The following DPP6 variants were observed in gnomAD, a reference collection of about 807,000 sequenced individuals.
DPP6 encodes A-type potassium channel modulatory protein DPP6.
DPP6 carries 69 observed loss-of-function variants against 122.6 expected under a neutral mutation model. The ratio of observed to expected loss-of-function variants is 0.56; its 90% CI spans 0.46 to 0.69. DPP6 has a LOEUF of 0.69. Ranked by LOEUF, DPP6 falls within the 30% of genes least tolerant of loss-of-function variation. The probability of loss-of-function intolerance (pLI) is 0.00; values close to 1 mark genes in which losing one functional copy is unlikely to be tolerated. For missense variants in DPP6, 928 were observed against 1,116.9 expected, an observed-to-expected ratio of 0.83 and a Z score of 2.41; for synonymous variants, 418 against 433.1, an observed-to-expected ratio of 0.97 and a Z score of 0.43.
chr7:153,849,782 T>C, the DPP6 span, among the ~76,000 whole-genome samples: 2 of 152,212 alleles, frequency 1.3e-5, no homozygotes, highest in African/African-American at 4.8e-5. Flanking sequence ...TTCCACTTTG[T>C]TTCATATACA....
intron 1 of DPP6, among the ~76,000 whole-genome samples, chr7:154,142,152 C>T (rs1483412907): frequency 6.6e-6 from 1 of 151,592 alleles, no homozygotes; most frequent in Non-Finnish European, 1.5e-5. Flanking sequence ...ATGACCTTAT[C>T]CTTAATTCAT....
intron 1 of DPP6, among the ~76,000 whole-genome samples, chr7:153,929,611 G>C (rs919602313): frequency 6.6e-6 from 1 of 152,038 alleles, no homozygotes; most frequent in Non-Finnish European, 1.5e-5. Context: ...GACTTGTCAA[G>C]CTATTGATAG....
intron 8 of DPP6, among the ~76,000 whole-genome samples, chr7:154,758,165 A>G (rs1387202296): frequency 6.6e-6 from 1 of 152,184 alleles, no homozygotes; most frequent in African/African-American, 2.4e-5. Flanking sequence ...GAGCTTAGGA[A>G]ACAGCATGGA....
At chr7:154,698,304 T>C (rs1840330379) in intron 7 of DPP6, among the ~76,000 whole-genome samples, 1 of 152,082 alleles carries the variant, frequency 6.6e-6, no homozygotes, top group Non-Finnish European at 1.5e-5. Flanking sequence ...CCATGTATAA[T>C]ATTCCCTGTT....
At chr7:153,798,652 T>C in the DPP6 span, among the ~76,000 whole-genome samples, 3 of 151,974 alleles carry the variant, frequency 2.0e-5, no homozygotes, top group Admixed American at 6.6e-5. Context: ...GAGTGGCAGG[T>C]GATGGGTTTG....
At chr7:153,861,424 T>C in the DPP6 span, among the ~76,000 whole-genome samples, 1 of 152,212 alleles carries the variant, frequency 6.6e-6, no homozygotes, top group African/African-American at 2.4e-5. Context: ...TTCTAATGCA[T>C]GTAGCATATT....
intron 7 of DPP6, among the ~76,000 whole-genome samples, chr7:154,725,733 C>G (rs1367537327): frequency 1.3e-5 from 2 of 152,198 alleles, no homozygotes; most frequent in African/African-American, 4.8e-5. Flanking sequence ...CAACAATCTC[C>G]CAAAGTCTTA....
intron 1 of DPP6, among the ~76,000 whole-genome samples, chr7:154,431,292 C>T (rs1011713583): frequency 1.1e-4 from 16 of 152,060 alleles, no homozygotes; most frequent in Admixed American, 2.6e-4. Context: ...AGCCTAGACC[C>T]ACCCTGCTTC....
At chr7:154,449,167 G>T (rs1476075586) in intron 2 of DPP6, among the ~76,000 whole-genome samples, 1 of 151,916 alleles carries the variant, frequency 6.6e-6, no homozygotes, top group Admixed American at 6.6e-5. Flanking sequence ...TGCAAATCAG[G>T]TATCTAGTAA....
Position 153,995,998 on chromosome 7 carries a change from G to A in DPP6, c.51+108264G>A, listed in dbSNP as rs182059548. Among the ~76,000 whole-genome samples, 21 of 152,284 alleles carry A rather than the reference G, an allele frequency of 1.4e-4. No individual in the cohort carries two copies. In the East Asian group the frequency reaches 3.7e-3, roughly 27 times the overall value. The stretch of plus-strand genomic sequence containing the variant: ...AGTTTTGGTATCTGGGCAACATTCC[G>A]CAGGGGCTAGGATTGTGTCATTTAT... On this transcript the variant is annotated intron_variant, in intron 1 of 25. Transcript: ENST00000404039.
At chr7:154,693,714 C>G (rs749093670) in intron 7 of DPP6, among the ~76,000 whole-genome samples, 1 of 152,186 alleles carries the variant, frequency 6.6e-6, no homozygotes, top group Non-Finnish European at 1.5e-5. Flanking sequence ...GTGTAAAACC[C>G]TGACGTGTGA....
chr7:154,351,516 CT>C (rs925353715), intron 1 of DPP6, among the ~76,000 whole-genome samples: 2 of 152,072 alleles, frequency 1.3e-5, no homozygotes, highest in Non-Finnish European at 2.9e-5. Flanking sequence ...CAACTCCTCC[CT>C]GAGTCAGCAC....
At chr7:154,777,906 G>T (rs1243511612) in intron 10 of DPP6, among the ~76,000 whole-genome samples, 1 of 152,070 alleles carries the variant, frequency 6.6e-6, no homozygotes, top group Non-Finnish European at 1.5e-5. Context: ...ATTTTCTTTT[G>T]CTTCCATTTA....
the DPP6 span, among the ~76,000 whole-genome samples, chr7:153,864,029 T>G: frequency 2.6e-5 from 4 of 152,216 alleles, no homozygotes. Flanking sequence ...TAAATAATGC[T>G]GCTCTGAACA....
At chr7:153,889,078 G>T (rs904409314) in intron 1 of DPP6, among the ~76,000 whole-genome samples, 2 of 152,204 alleles carry the variant, frequency 1.3e-5, no homozygotes, top group African/African-American at 4.8e-5. Flanking sequence ...CTGGACGGAG[G>T]TGTGAGTCTC....
chr7:154,357,748 C>T (rs894505999), intron 1 of DPP6, among the ~76,000 whole-genome samples: 1 of 151,990 alleles, frequency 6.6e-6, no homozygotes, highest in South Asian at 2.1e-4. Flanking sequence ...TTGAGACCAG[C>T]CTGGCCAACA....
chr7:154,557,960 T>G (rs911630640), intron 4 of DPP6, among the ~76,000 whole-genome samples: 4 of 152,150 alleles, frequency 2.6e-5, no homozygotes, highest in Non-Finnish European at 5.9e-5. Context: ...TTATTATTAT[T>G]ATTATACTTT....
intron 1 of DPP6, among the ~76,000 whole-genome samples, chr7:154,159,651 C>G (rs1796875111): frequency 6.6e-6 from 1 of 152,286 alleles, no homozygotes; most frequent in Non-Finnish European, 1.5e-5. Flanking sequence ...TGAACTTGCG[C>G]ACAAAGATGT....
intron 1 of DPP6, among the ~76,000 whole-genome samples, chr7:154,269,977 T>C (rs979025754): frequency 6.6e-6 from 1 of 152,146 alleles, no homozygotes; most frequent in Non-Finnish European, 1.5e-5. Flanking sequence ...GCAAAGGAAA[T>C]ATGTTTCCTG....
Sources: allele counts gnomAD v4.1 joint callset (sites outside exome capture counted in the v4.1 genomes callset), GRCh38; gene constraint gnomAD v4.1.1; transcripts MANE v1.5; gene names NCBI Gene and HGNC (gene_info 2026-07-23, HGNC 2026-07-21).